The following PPFIBP1 variants were observed in gnomAD, a reference collection of about 807,000 sequenced individuals.
PPFIBP1 encodes PPFIB scaffold protein 1.
Under a neutral mutation model 137.8 loss-of-function variants are expected in PPFIBP1, and 112 were observed. The ratio of observed to expected loss-of-function variants is 0.81; its 90% confidence interval spans 0.70 to 0.95. The LOEUF (loss-of-function observed/expected upper bound fraction) is 0.95, where lower values mean the gene tolerates loss of function less well. PPFIBP1 is among the 40% of genes least tolerant of loss of function. PPFIBP1 has a pLI of 0.00. For missense variants in PPFIBP1, 1,083 were observed against 1,196.6 expected (o/e 0.91, Z 1.40); for synonymous variants, 378 against 417.3 (o/e 0.91, Z 1.15).
intron 1 of PPFIBP1, among the ~76,000 whole-genome samples, chr12:27,558,465 T>TACACAC (rs2048880093): frequency 1.3e-5 from 1 of 78,984 alleles, no homozygotes; most frequent in African/African-American, 5.3e-5. Flanking sequence ...CACAGTATGT[T>TACACAC]ATACACACAC....
chr12:27,667,548 A>C (rs1424536384), intron 13 of PPFIBP1, among the ~76,000 whole-genome samples: 1 of 152,248 alleles, frequency 6.6e-6, no homozygotes, highest in Non-Finnish European at 1.5e-5. Context: ...GCAACTGGAG[A>C]GGAGTAAACA....
chr12:27,635,037 A>G lies in PPFIBP1; in HGVS notation c.192A>G (p.Thr64=). The change falls in exon 4 of 30, where the codon ACA becomes ACG. Residue 64 remains threonine, a synonymous_variant. Coordinates refer to ENST00000228425, the MANE Select transcript of PPFIBP1 (RefSeq NM_003622.4). ...GTGGATTGTTAGAGATGATGGAAAC[A>G]GATGAGAAAGAAGGCTTGAGATGCC... is the stretch of plus-strand genomic sequence containing the variant. The part of the protein sequence containing the change: ...DLRGLLEMME[T]DEKEGLRCQI... 1 of 1,614,206 alleles carries G rather than the reference A, an allele frequency of 6.2e-7. No homozygotes were observed. Among genetic ancestry groups the G allele is most frequent in the Non-Finnish European group, 8.5e-7 (1 of 1,180,012 alleles).
intron 1 of PPFIBP1, among the ~76,000 whole-genome samples, chr12:27,554,549 C>T (rs540399111): frequency 2.0e-4 from 31 of 152,178 alleles, no homozygotes; most frequent in Non-Finnish European, 4.3e-4. Flanking sequence ...AGCTGTATGT[C>T]ACGCTGTGAA....
intron 1 of PPFIBP1, among the ~76,000 whole-genome samples, chr12:27,532,309 A>T (rs1944501086): frequency 1.3e-5 from 2 of 152,190 alleles, no homozygotes. Flanking sequence ...TAGCTGTTAA[A>T]AAGATTGAAT....
intron 4 of PPFIBP1, among the ~76,000 whole-genome samples, chr12:27,645,647 G>C (rs1051304737): frequency 3.9e-5 from 6 of 152,254 alleles, no homozygotes; most frequent in Admixed American, 3.9e-4. Context: ...AGTGAGGCTA[G>C]TCTGCGCTAC....
chr12:27,624,225 ATGAG>A (rs1354250392), intron 2 of PPFIBP1, among the ~76,000 whole-genome samples: 1 of 152,196 alleles, frequency 6.6e-6, no homozygotes, highest in Non-Finnish European at 1.5e-5. Flanking sequence ...AAACTACCAA[ATGAG>A]TGAGAGGCAT....
intron 7 of PPFIBP1, among the ~76,000 whole-genome samples, chr12:27,653,174 A>G (rs753787761): frequency 3.3e-5 from 5 of 152,122 alleles, no homozygotes; most frequent in Non-Finnish European, 7.4e-5. Context: ...AATAATTTCT[A>G]TTTACAAAGT....
intron 1 of PPFIBP1, among the ~76,000 whole-genome samples, chr12:27,560,588 C>G (rs1016294135): frequency 6.6e-6 from 1 of 152,106 alleles, no homozygotes; most frequent in Admixed American, 6.5e-5. Context: ...AATAGAGGAC[C>G]ACATTTTGGT....
At chr12:27,612,935 T>TCATCAC (rs968651709) in intron 2 of PPFIBP1, among the ~76,000 whole-genome samples, 5 of 18,620 alleles carry the variant, frequency 2.7e-4, no homozygotes, top group South Asian at 0.011. Flanking sequence ...CACATCATCA[T>TCATCAC]CATCATCATC....
chr12:27,562,445 A>G (rs988214631), intron 1 of PPFIBP1, among the ~76,000 whole-genome samples: 2 of 152,336 alleles, frequency 1.3e-5, no homozygotes, highest in Admixed American at 6.5e-5. Flanking sequence ...TTTTGACAGT[A>G]TAAATTATCT....
chr12:27,642,848 C>G (rs887973053), intron 4 of PPFIBP1, among the ~76,000 whole-genome samples: 2 of 151,744 alleles, frequency 1.3e-5, no homozygotes, highest in African/African-American at 4.8e-5. Flanking sequence ...AATCAAGGTT[C>G]CAAAGTAGAA....
chr12:27,634,941 T>A lies in PPFIBP1; in HGVS notation c.96T>A (p.Ile32=). The change falls in exon 4 of 30, where the codon ATT becomes ATA. Residue 32 remains isoleucine (I), a synonymous_variant. Coordinates refer to ENST00000228425, the MANE Select transcript of PPFIBP1 (RefSeq NM_003622.4). ...AGGCTCTGGAATATTCCAATGGGAT[T>A]TTTGATTGCCAATCTCCCACCTCTC... ...GSKALEYSNG[I]FDCQSPTSPF... is the part of the protein sequence containing the mutation. The A allele has an allele frequency of 6.2e-7, 1 of 1,614,132 alleles. No individual in the cohort carries two copies. Among genetic ancestry groups the A allele is most frequent in the East Asian group, 2.2e-5 (1 of 44,882 alleles).
intron 1 of PPFIBP1, among the ~76,000 whole-genome samples, chr12:27,566,606 C>G (rs1006511545): frequency 6.6e-6 from 1 of 152,122 alleles, no homozygotes; most frequent in African/African-American, 2.4e-5. Context: ...ATAACAACTA[C>G]TAAAAATGGA....
chr12:27,663,086 T>C (rs2059646532), intron 11 of PPFIBP1, among the ~76,000 whole-genome samples: 1 of 152,188 alleles, frequency 6.6e-6, no homozygotes, highest in Non-Finnish European at 1.5e-5. Context: ...CTAGTTTAGG[T>C]TGGCCCCAGC....
At chr12:27,638,635 C>G (rs1244640987) in intron 4 of PPFIBP1, among the ~76,000 whole-genome samples, 1 of 152,082 alleles carries the variant, frequency 6.6e-6, no homozygotes, top group Non-Finnish European at 1.5e-5. Context: ...AAGAGCAGAG[C>G]ATAGAGAGTA....
At chr12:27,606,982 C>A (rs1042825920) in intron 2 of PPFIBP1, among the ~76,000 whole-genome samples, 10 of 152,178 alleles carry the variant, frequency 6.6e-5, no homozygotes, top group Middle Eastern at 3.4e-3. Context: ...ATCCCTGTGC[C>A]CCATTTGTAG....
At chr12:27,585,002 C>T (rs1224994072) in intron 2 of PPFIBP1, among the ~76,000 whole-genome samples, 2 of 152,164 alleles carry the variant, frequency 1.3e-5, no homozygotes, top group South Asian at 4.2e-4. Flanking sequence ...ATTTCCTGCC[C>T]ACTGTGTTCC....
At chr12:27,676,722 A>G in intron 18 of PPFIBP1, 123 bp downstream of exon 18, 1 of 1,094,628 alleles carries the variant, frequency 9.1e-7, no homozygotes, top group Non-Finnish European at 1.3e-6. Flanking sequence ...AAGGTGAATG[A>G]CTTAGGGGAA....
chr12:27,620,522 C>A (rs1280516344), intron 2 of PPFIBP1, among the ~76,000 whole-genome samples: 1 of 152,186 alleles, frequency 6.6e-6, no homozygotes, highest in Non-Finnish European at 1.5e-5. Flanking sequence ...ATCAGTGGGG[C>A]CTTCCATGAT....
Sources: allele counts gnomAD v4.1 joint callset (sites outside exome capture counted in the v4.1 genomes callset), GRCh38; gene constraint gnomAD v4.1.1; transcripts MANE v1.5; gene names NCBI Gene and HGNC (gene_info 2026-07-23, HGNC 2026-07-21).